Variants in POFUT3 observed in about 807,000 individuals in gnomAD.
POFUT3 encodes protein O-fucosyltransferase 3.
At chr8:33,318,166 A>C in the POFUT3 span, among the ~76,000 whole-genome samples, 1 of 151,926 alleles carries the variant, frequency 6.6e-6, no homozygotes, top group African/African-American at 2.4e-5. Context: ...ACATGTAAGA[A>C]TTCCATAGTG....
At chr8:33,315,077 G>A in the POFUT3 span, among the ~76,000 whole-genome samples, 1 of 152,120 alleles carries the variant, frequency 6.6e-6, no homozygotes, top group African/African-American at 2.4e-5. Context: ...AGCTAGCTAG[G>A]TGCCTGGCAA....
chr8:33,386,013 A>G, the POFUT3 span, among the ~76,000 whole-genome samples: 1 of 151,642 alleles, frequency 6.6e-6, no homozygotes, highest in Non-Finnish European at 1.5e-5. Flanking sequence ...CATGGCGGAA[A>G]CTCTGTCTCT....
chr8:33,346,105 G>A, the POFUT3 span, among the ~76,000 whole-genome samples: 8 of 150,036 alleles, frequency 5.3e-5, no homozygotes, highest in Non-Finnish European at 1.0e-4. Flanking sequence ...GATTACAGGC[G>A]TGAGCCACCG....
At chr8:33,454,223 G>T in the POFUT3 span, among the ~76,000 whole-genome samples, 1 of 152,186 alleles carries the variant, frequency 6.6e-6, no homozygotes, top group Non-Finnish European at 1.5e-5. Context: ...AGACCCAGGG[G>T]TCAGCAGGGC....
chr8:33,377,821 A>G, the POFUT3 span, among the ~76,000 whole-genome samples: 1 of 152,234 alleles, frequency 6.6e-6, no homozygotes, highest in South Asian at 2.1e-4. Flanking sequence ...GTTCCTAGCA[A>G]TGAGAAAAAT....
chr8:33,351,947 T>A, the POFUT3 span, among the ~76,000 whole-genome samples: 2 of 152,214 alleles, frequency 1.3e-5, no homozygotes, highest in African/African-American at 4.8e-5. Context: ...TCATTCTACA[T>A]GTGAAGGAGC....
the POFUT3 span, among the ~76,000 whole-genome samples, chr8:33,328,429 C>T: frequency 2.0e-5 from 3 of 151,926 alleles, no homozygotes; most frequent in South Asian, 2.1e-4. Context: ...TTCCCCAAGT[C>T]GGGGTGGAAA....
chr8:33,371,924 G>A, the POFUT3 span: 1 of 152,838 alleles, frequency 6.5e-6, no homozygotes, highest in African/African-American at 2.4e-5. Flanking sequence ...AAAACACACA[G>A]GAGTTACTGT....
At chr8:33,430,092 T>C in the POFUT3 span, among the ~76,000 whole-genome samples, 12 of 151,960 alleles carry the variant, frequency 7.9e-5, no homozygotes, top group South Asian at 2.5e-3. Context: ...ACCAACGCCA[T>C]TACCAACCCC....
the POFUT3 span, chr8:33,453,190 G>A: frequency 3.1e-6 from 5 of 1,605,850 alleles, no homozygotes; most frequent in South Asian, 4.4e-5. Flanking sequence ...CAGCAAACAA[G>A]GGAGAAAGGC....
the POFUT3 span, among the ~76,000 whole-genome samples, chr8:33,373,583 T>C: frequency 6.6e-6 from 1 of 152,084 alleles, no homozygotes; most frequent in African/African-American, 2.4e-5. Flanking sequence ...CGGCAGCCCT[T>C]CTCATTCCAA....
At chr8:33,316,987 T>C in the POFUT3 span, among the ~76,000 whole-genome samples, 1 of 151,650 alleles carries the variant, frequency 6.6e-6, no homozygotes, top group Non-Finnish European at 1.5e-5. Context: ...CACCTGAGAC[T>C]GAGACAGAAC....
the POFUT3 span, among the ~76,000 whole-genome samples, chr8:33,401,021 C>A: frequency 1.3e-5 from 2 of 152,078 alleles, no homozygotes; most frequent in Non-Finnish European, 2.9e-5. Flanking sequence ...CACTTTGTCG[C>A]CCAAGCTGGA....
the POFUT3 span, among the ~76,000 whole-genome samples, chr8:33,391,614 G>A: frequency 6.6e-6 from 1 of 152,172 alleles, no homozygotes; most frequent in African/African-American, 2.4e-5. Context: ...TGGCTGAGAG[G>A]CCAATGATAG....
At chr8:33,331,202 C>A in the POFUT3 span, among the ~76,000 whole-genome samples, 3 of 151,530 alleles carry the variant, frequency 2.0e-5, no homozygotes, top group Non-Finnish European at 4.4e-5. Flanking sequence ...ATTAACCGGG[C>A]GCGCGCCTGT....
the POFUT3 span, among the ~76,000 whole-genome samples, chr8:33,336,007 C>T: frequency 1.3e-5 from 2 of 151,978 alleles, no homozygotes; most frequent in Admixed American, 6.6e-5. Context: ...TAAGTGGACT[C>T]GGGCAGTTCA....
the POFUT3 span, among the ~76,000 whole-genome samples, chr8:33,404,857 A>T: frequency 4.6e-5 from 7 of 152,236 alleles, no homozygotes; most frequent in African/African-American, 1.7e-4. Context: ...TGCGCCCCAT[A>T]AATTTATACA....
the POFUT3 span, among the ~76,000 whole-genome samples, chr8:33,429,995 CA>C: frequency 0.57 from 71,228 of 124,548 alleles, 19,233 homozygotes; most frequent in African/African-American, 0.61. Flanking sequence ...GACTCCATCT[CA>C]AAAAAAAAAA....
chr8:33,404,630 AG>A, the POFUT3 span, among the ~76,000 whole-genome samples: 15 of 152,300 alleles, frequency 9.8e-5, no homozygotes, highest in Admixed American at 2.0e-4. Flanking sequence ...CTTTGGGTCA[AG>A]TTCTTGATGG....
Sources: allele counts gnomAD v4.1 joint callset (sites outside exome capture counted in the v4.1 genomes callset), GRCh38; gene constraint gnomAD v4.1.1; transcripts MANE v1.5; gene names NCBI Gene and HGNC (gene_info 2026-07-23, HGNC 2026-07-21).